RELL1: variants seen among roughly 807,000 people sequenced by gnomAD.
RELL1 encodes the protein RELT like 1, also known as RELT-like protein 1.
Under a neutral mutation model 23.0 loss-of-function variants are expected in RELL1, and 10 were observed. The observed-to-expected ratio is 0.43, with a 90% CI of 0.27 to 0.74. The LOEUF (loss-of-function observed/expected upper bound fraction) is 0.74, where lower values mean the gene tolerates loss of function less well. Among genes scored for constraint, RELL1 ranks in the 30% least tolerant of loss-of-function variants. The pLI is 0.19. For synonymous variants in RELL1, 146 were observed against 146.8 expected (o/e 0.99, Z 0.04); for missense variants, 315 against 364.4 (o/e 0.86, Z 1.10).
chr4:37,648,052 A>G (rs1039761801), intron 2 of RELL1, among the ~76,000 whole-genome samples: 4 of 152,238 alleles, frequency 2.6e-5, no homozygotes, highest in African/African-American at 7.2e-5. Flanking sequence ...TTGTTTCAAT[A>G]AGAACGAGGA....
At chr4:37,648,973 G>A (rs1186199488) in intron 2 of RELL1, among the ~76,000 whole-genome samples, 1 of 152,178 alleles carries the variant, frequency 6.6e-6, no homozygotes, top group African/African-American at 2.4e-5. Context: ...AATGTCAAAT[G>A]AATAAGATTA....
At chr4:37,656,790 C>T (rs753775591) in intron 1 of RELL1, among the ~76,000 whole-genome samples, 30 of 152,214 alleles carry the variant, frequency 2.0e-4, no homozygotes, top group Non-Finnish European at 3.4e-4. Context: ...CTTCCTCTCT[C>T]ACCATGTGAT....
intron 4 of RELL1, among the ~76,000 whole-genome samples, 199 bp from the exon 5 acceptor site, chr4:37,635,322 A>C (rs2109264125): frequency 6.6e-6 from 1 of 152,252 alleles, no homozygotes; most frequent in South Asian, 2.1e-4. Flanking sequence ...AGTTTATCTT[A>C]AGCAATAATA....
intron 6 of RELL1, among the ~76,000 whole-genome samples, chr4:37,616,123 G>T (rs1719566518): frequency 1.3e-5 from 2 of 152,186 alleles, no homozygotes; most frequent in African/African-American, 4.8e-5. Context: ...AATAATAACA[G>T]CACTGGCATT....
At chr4:37,618,076 G>C (rs2109239323) in intron 6 of RELL1, among the ~76,000 whole-genome samples, 1 of 152,260 alleles carries the variant, frequency 6.6e-6, no homozygotes, top group Non-Finnish European at 1.5e-5. Context: ...TAAACAATCA[G>C]CTTCGACGCA....
chr4:37,624,133 A>G (rs994002207), intron 6 of RELL1, among the ~76,000 whole-genome samples: 1 of 152,176 alleles, frequency 6.6e-6, no homozygotes, highest in Non-Finnish European at 1.5e-5. Context: ...AGAGGAGAAC[A>G]TGAAGGCGGC....
intron 1 of RELL1, chr4:37,665,333 C>A (rs184556087): frequency 1.5e-3 from 662 of 456,092 alleles, no homozygotes; most frequent in Non-Finnish European, 2.3e-3. Context: ...TGTAAATATA[C>A]CAGCATGCTC....
At chr4:37,647,936 G>C (rs1207363032) in intron 2 of RELL1, among the ~76,000 whole-genome samples, 1 of 152,122 alleles carries the variant, frequency 6.6e-6, no homozygotes, top group Non-Finnish European at 1.5e-5. Flanking sequence ...TTCAGGGCTT[G>C]GTTATGTGTC....
At chr4:37,670,353 A>C (rs946399247) in intron 1 of RELL1, among the ~76,000 whole-genome samples, 3 of 152,186 alleles carry the variant, frequency 2.0e-5, no homozygotes, top group Non-Finnish European at 4.4e-5. Flanking sequence ...TCCCTTAGTA[A>C]AGAGACTACT....
At chr4:37,623,661 T>G (rs1719842966) in intron 6 of RELL1, among the ~76,000 whole-genome samples, 1 of 152,130 alleles carries the variant, frequency 6.6e-6, no homozygotes, top group Non-Finnish European at 1.5e-5. Flanking sequence ...TCCCTCCACC[T>G]CCACATTTCA....
At chr4:37,677,240 G>A (rs767711505) in intron 1 of RELL1, among the ~76,000 whole-genome samples, 15 of 152,370 alleles carry the variant, frequency 9.8e-5, no homozygotes, top group Admixed American at 1.3e-4. Flanking sequence ...GCCATAGGCA[G>A]CAAGGCTGGA....
chr4:37,602,249 ACTGC>A (rs1330857279), intron 6 of RELL1, among the ~76,000 whole-genome samples: 3 of 147,020 alleles, frequency 2.0e-5, no homozygotes, highest in African/African-American at 5.0e-5. Context: ...AGCAACCAGC[ACTGC>A]CTGTCTTCCC....
intron 3 of RELL1, among the ~76,000 whole-genome samples, chr4:37,639,847 A>G (rs1720465387): frequency 6.6e-6 from 1 of 152,346 alleles, no homozygotes; most frequent in African/African-American, 2.4e-5. Flanking sequence ...TGACTTTTCT[A>G]GAGAAGGAAT....
intron 3 of RELL1, among the ~76,000 whole-genome samples, chr4:37,639,621 G>C (rs968220549): frequency 6.6e-6 from 1 of 151,964 alleles, no homozygotes; most frequent in Admixed American, 6.6e-5. Context: ...GAGTGGTCAC[G>C]CTCCCCAGGA....
At chr4:37,589,059 A>T (rs1483093642), downstream of RELL1, among the ~76,000 whole-genome samples, 2 of 152,256 alleles carry the variant, frequency 1.3e-5, no homozygotes, top group African/African-American at 4.8e-5. Context: ...ATCATTTAAA[A>T]GAACATGTGC....
At chr4:37,668,984 CCGCCCCA>C in intron 1 of RELL1, among the ~76,000 whole-genome samples, 1 of 149,120 alleles carries the variant, frequency 6.7e-6, no homozygotes, top group South Asian at 2.1e-4. Context: ...GCCCGGCCAG[CCGCCCCA>C]TCCAGGAGAG....
intron 6 of RELL1, among the ~76,000 whole-genome samples, chr4:37,630,607 C>T (rs1291638164): frequency 4.0e-5 from 6 of 151,722 alleles, no homozygotes; most frequent in Admixed American, 2.6e-4. Flanking sequence ...CCTCATGATC[C>T]GCCTGCCTCG....
At chr4:37,624,561 C>T (rs1719876401) in intron 6 of RELL1, among the ~76,000 whole-genome samples, 1 of 151,472 alleles carries the variant, frequency 6.6e-6, no homozygotes, top group Admixed American at 6.6e-5. Context: ...GTAGCTGGGA[C>T]TACAGGCACC....
At chr4:37,669,656 A>G (rs566846658) in intron 1 of RELL1, among the ~76,000 whole-genome samples, 4 of 152,236 alleles carry the variant, frequency 2.6e-5, no homozygotes, top group South Asian at 2.1e-4. Flanking sequence ...AAAGAGGTAG[A>G]CATGGGAGAC....
Sources: gnomAD v4.1 joint callset for allele counts (sites outside exome capture counted in the v4.1 genomes callset) on GRCh38, gnomAD v4.1.1 for gene constraint, MANE v1.5 for transcripts, NCBI Gene and HGNC (gene_info 2026-07-23, HGNC 2026-07-21) for gene names.